TRIM44: variants seen among roughly 807,000 people sequenced by gnomAD.
TRIM44 encodes the protein tripartite motif-containing protein 44.
TRIM44 carries 13 observed loss-of-function variants against 37.4 expected under a neutral mutation model. The ratio of observed to expected loss-of-function variants is 0.35; its 90% confidence interval spans 0.23 to 0.55. The LOEUF is 0.55. Among genes scored for constraint, TRIM44 ranks in the 20% least tolerant of loss-of-function variants. TRIM44 has a pLI of 0.89. For missense variants in TRIM44, 426 were observed against 437.2 expected (o/e 0.97, Z 0.23); for synonymous variants, 175 against 157.2 (o/e 1.11, Z -0.85).
At chr11:35,699,775 G>T (rs931160941) in intron 2 of TRIM44, among the ~76,000 whole-genome samples, 2 of 151,808 alleles carry the variant, frequency 1.3e-5, no homozygotes, top group African/African-American at 4.8e-5. Flanking sequence ...CAAAATCAAT[G>T]TGCAAAAATC....
At chr11:35,664,652 A>G (rs1470573282) in intron 1 of TRIM44, among the ~76,000 whole-genome samples, 2 of 152,216 alleles carry the variant, frequency 1.3e-5, no homozygotes, top group Non-Finnish European at 2.9e-5. Flanking sequence ...ATACCTTGAG[A>G]GTGAAGATCC....
chr11:35,720,877 T>C lies in TRIM44; in HGVS notation c.748-5047T>C, dbSNP rs148269279. Among the ~76,000 whole-genome samples the C allele has an allele frequency of 1.8e-3, 277 of 152,224 alleles. 2 individuals carry two copies. Among genetic ancestry groups the C allele is most frequent in the African/African-American group, 6.4e-3 (266 of 41,542 alleles). On this transcript the variant is annotated intron_variant, in intron 2 of 4. Transcript: ENST00000299413. ...TTGAACCAGTCTTGCATACTTGGTA[T>C]ATATCCCTCATTTATGTCATGGTAT...
rs1853578777 is a variant in TRIM44, at chr11:35,816,166, T to C, written c.*9781T>C. 6.6e-6 allele frequency: 1 copy of C among 152,114 alleles called. No individual in the cohort carries two copies. The highest frequency in any genetic ancestry group is 1.9e-4 in the East Asian group (1 of 5,182). The allele number at this position is 152,114 out of a possible 1,614,324, so 9.4% of individuals were successfully genotyped here. A position where few individuals can be genotyped will look rare whatever the true frequency, so the allele number is the denominator to read the frequency against. The stretch of plus-strand genomic sequence containing the variant: ...TTCCATCTGGAAACCATGAGCCTCA[T>C]GGATTCCAGGCACAAATTCTCAGAT... On this transcript the variant is annotated 3_prime_UTR_variant, in exon 5 of 5. Coordinates refer to ENST00000299413, the MANE Select transcript of TRIM44 (RefSeq NM_017583.6).
At position 35,685,332 on chromosome 11, in the gene TRIM44, C is replaced by G. The variant is rs1294901504; in HGVS notation, c.743C>G (p.Pro248Arg). 2 of 1,613,902 alleles carry G rather than the reference C, an allele frequency of 1.2e-6. No individual in the cohort carries two copies. The highest frequency in any genetic ancestry group is 2.7e-5 in the African/African-American group (2 of 74,924). ...AGGTTGAAGTTCAAGAGCTCAGACC[C>G]TAAAGTAAGTATTGTTTGGAATTGA... ...VERLKFKSSD[P>R]KVTRDQMKMF... Residue 248 changes from proline to arginine, a missense_variant, in exon 2 of 5, where the codon CCT becomes CGT. Coordinates refer to ENST00000299413, the MANE Select transcript of TRIM44 (RefSeq NM_017583.6).
intron 4 of TRIM44, among the ~76,000 whole-genome samples, chr11:35,745,886 C>T (rs1852482215): frequency 6.6e-6 from 1 of 152,100 alleles, no homozygotes; most frequent in South Asian, 2.1e-4. Context: ...ACTCCACACA[C>T]AGTGGCCCGG....
At chr11:35,712,824 G>T (rs16927855) in intron 2 of TRIM44, among the ~76,000 whole-genome samples, 1 of 152,024 alleles carries the variant, frequency 6.6e-6, no homozygotes, top group African/African-American at 2.4e-5. Flanking sequence ...TTTAGGAGCC[G>T]GGGTACCTAG....
At chr11:35,753,662 C>G (rs949522989) in intron 4 of TRIM44, among the ~76,000 whole-genome samples, 3 of 152,084 alleles carry the variant, frequency 2.0e-5, no homozygotes, top group Admixed American at 6.6e-5. Context: ...AAACGAGTAA[C>G]ACTGTTATTA....
intron 4 of TRIM44, among the ~76,000 whole-genome samples, chr11:35,770,607 C>G (rs1431389700): frequency 6.6e-6 from 1 of 152,118 alleles, no homozygotes; most frequent in African/African-American, 2.4e-5. Context: ...GAGATGGTAT[C>G]TCATTGTGGT....
At chr11:35,735,382 C>T (rs1389380341) in intron 3 of TRIM44, 44 bp from the exon 4 acceptor site, 2 of 1,607,078 alleles carry the variant, frequency 1.2e-6, no homozygotes, top group African/African-American at 2.7e-5. Flanking sequence ...TCTGTCTGTA[C>T]CAACAGTGAT....
chr11:35,718,058 A>G (rs1852059039), intron 2 of TRIM44, among the ~76,000 whole-genome samples: 1 of 152,180 alleles, frequency 6.6e-6, no homozygotes, highest in African/African-American at 2.4e-5. Flanking sequence ...AGATAATAGA[A>G]TAATCTTGTC....
intron 3 of TRIM44, among the ~76,000 whole-genome samples, chr11:35,730,829 T>G (rs1210895753): frequency 6.6e-6 from 1 of 151,798 alleles, no homozygotes. Context: ...ATATAATTGG[T>G]TTTTATATAT....
At chr11:35,709,185 A>G (rs988694015) in intron 2 of TRIM44, among the ~76,000 whole-genome samples, 1 of 152,176 alleles carries the variant, frequency 6.6e-6, no homozygotes, top group South Asian at 2.1e-4. Flanking sequence ...AATGCACTTC[A>G]GTGCATTGTT....
chr11:35,675,571 A>G (rs189851505), intron 1 of TRIM44, among the ~76,000 whole-genome samples: 18 of 152,238 alleles, frequency 1.2e-4, no homozygotes, highest in African/African-American at 4.1e-4. Flanking sequence ...TGTTCATTTG[A>G]GACGGAGTGG....
chr11:35,669,295 C>G (rs955783576), intron 1 of TRIM44, among the ~76,000 whole-genome samples: 8 of 152,220 alleles, frequency 5.3e-5, no homozygotes, highest in African/African-American at 1.9e-4. Flanking sequence ...TTGCCCACAT[C>G]TTAGAGATTT....
intron 2 of TRIM44, among the ~76,000 whole-genome samples, chr11:35,692,795 C>T (rs534516344): frequency 1.3e-5 from 2 of 151,930 alleles, no homozygotes; most frequent in South Asian, 2.1e-4. Context: ...TGGTGGTGGG[C>T]GCCTGTAGTC....
At chr11:35,783,866 G>A (rs1316031257) in intron 4 of TRIM44, among the ~76,000 whole-genome samples, 2 of 152,142 alleles carry the variant, frequency 1.3e-5, no homozygotes, top group Non-Finnish European at 2.9e-5. Flanking sequence ...GTGAAAGAGG[G>A]AAAGCCCTAC....
chr11:35,805,816 G>A (rs1853439437), intron 4 of TRIM44, among the ~76,000 whole-genome samples: 1 of 152,152 alleles, frequency 6.6e-6, no homozygotes, highest in Non-Finnish European at 1.5e-5. Context: ...AATCACCAGG[G>A]AGTCCTACTT....
rs770470686 is a variant in TRIM44, at chr11:35,663,658, G to A, written c.547G>A (p.Gly183Arg). ...RVAKRKCPDH[G>R]LDLSTYCQED... ...GGCCAAGAGGAAGTGTCCGGACCAT[G>A]GGCTTGATTTGAGTACCTATTGCCA... is the stretch of plus-strand genomic sequence containing the variant. The change falls in exon 1 of 5, where the codon GGG becomes AGG. Residue 183 changes from glycine to arginine, a missense_variant. Physicochemically the swap from Gly to Arg is moderately radical, Grantham distance 125. Coordinates refer to ENST00000299413, the MANE Select transcript of TRIM44 (RefSeq NM_017583.6). The A allele has an allele frequency of 1.2e-6, 2 of 1,614,166 alleles. No individual in the cohort carries two copies. The highest frequency in any genetic ancestry group is 1.7e-6 in the Non-Finnish European group (2 of 1,180,026).
chr11:35,806,177 G>A (rs1383103813), intron 4 of TRIM44, among the ~76,000 whole-genome samples, 181 bp from the exon 5 acceptor site: 1 of 152,100 alleles, frequency 6.6e-6, no homozygotes, highest in Non-Finnish European at 1.5e-5. Context: ...CCTATGGCCA[G>A]ATAAAGAAAT....
Sources: gnomAD v4.1 joint callset for allele counts (sites outside exome capture counted in the v4.1 genomes callset) on GRCh38, gnomAD v4.1.1 for gene constraint, MANE v1.5 for transcripts, NCBI Gene and HGNC (gene_info 2026-07-23, HGNC 2026-07-21) for gene names.